CEP290: variants seen among roughly 807,000 people sequenced by gnomAD.
CEP290 encodes the protein centrosomal protein 290, also known as centrosomal protein of 290 kDa.
Under a neutral mutation model 344.9 loss-of-function variants are expected in CEP290, and 317 were observed. That is an observed-to-expected ratio of 0.92 (90% CI 0.84 to 1.01). CEP290 has a LOEUF of 1.01. Among genes scored for constraint, CEP290 ranks in the 50% least tolerant of loss-of-function variants. CEP290 has a pLI of 0.00. For missense variants in CEP290, 2,754 were observed against 2,761.4 expected (o/e 1.00, Z 0.06); for synonymous variants, 932 against 895.8 (o/e 1.04, Z -0.72).
chr12:88,106,136 A>T (rs1343372558), intron 25 of CEP290, among the ~76,000 whole-genome samples: 2 of 152,232 alleles, frequency 1.3e-5, no homozygotes, highest in African/African-American at 4.8e-5. Flanking sequence ...AATATAAAGT[A>T]TAGAACACTA....
Position 88,106,714 on chromosome 12 carries a change from A to G in CEP290, c.2778T>C (p.Ala926=), listed in dbSNP as rs767032720. Residue 926 remains alanine (A), a synonymous_variant, in exon 25 of 54, where the codon GCT becomes GCC. Transcript: ENST00000552810. ...AACACCCAATTTTTTCACAAACTTCAGCCTCCATTGACAACAATTCATTCT... is the reference window on the plus strand; with the variant it reads ...AACACCCAATTTTTTCACAAACTTCGGCCTCCATTGACAACAATTCATTCT... ...KQKNELLSME[A]EVCEKIGCLQ... The G allele has an allele frequency of 3.7e-6, 6 of 1,611,190 alleles. No individual in the cohort carries two copies. In the Admixed American group the frequency reaches 8.4e-5, roughly 22 times the overall value.
At chr12:88,093,228 T>C (rs1391694799) in intron 28 of CEP290, among the ~76,000 whole-genome samples, 1 of 152,116 alleles carries the variant, frequency 6.6e-6, no homozygotes, top group Non-Finnish European at 1.5e-5. Context: ...ACAAAAATGA[T>C]ATAAATGCTT....
Position 88,136,655 on chromosome 12 carries a change from T to A in CEP290, c.429A>T (p.Lys143Asn). 6.2e-7 allele frequency: 1 copy of A among 1,613,720 alleles called. No individual in the cohort carries two copies. The highest frequency in any genetic ancestry group is 1.3e-5 in the African/African-American group (1 of 75,042). The change falls in exon 6 of 54, where the codon AAA becomes AAT. Residue 143 changes from lysine (K) to asparagine (N), a missense_variant. Coordinates refer to ENST00000552810, the MANE Select transcript of CEP290 (RefSeq NM_025114.4). ...DMEKELEKEK[K>N]VNEQLALRNE... ...AAAAGTGCTTTACTTGCTCATTAAC[T>A]TTCTTCTCTTTCTCCAACTCCTTTT...
At chr12:88,097,565 G>A (rs1483921039) in intron 26 of CEP290, among the ~76,000 whole-genome samples, 1 of 147,056 alleles carries the variant, frequency 6.8e-6, no homozygotes, top group African/African-American at 2.5e-5. Context: ...GCATGAGAAC[G>A]GACTAATACA....
chr12:88,071,722 T>C, intron 42 of CEP290, 59 bp downstream of exon 42: 1 of 1,314,264 alleles, frequency 7.6e-7, no homozygotes, highest in Non-Finnish European at 1.0e-6. Flanking sequence ...AGCTATATAA[T>C]TTCCAGGTCA....
Position 88,103,341 on chromosome 12 carries a change from A to C in CEP290, c.2818-330T>G, listed in dbSNP as rs17419524. On this transcript the variant is annotated intron_variant, in intron 25 of 53. Transcript: ENST00000552810. The stretch of plus-strand genomic sequence containing the variant: ...TTTGGATGGCTTTTCTAAATTTCTT[A>C]TGATCGGAAAACAACTTGCCTTTTA... 5.4e-3 allele frequency: 865 copies of C among 160,528 alleles called. 7 individuals are homozygous for C. The highest frequency in any genetic ancestry group is 0.013 in the South Asian group (66 of 5,020). 9.9% of individuals were successfully genotyped at this position (160,528 alleles called of 1,614,324 possible).
intron 25 of CEP290, 146 bp from the exon 26 acceptor site, chr12:88,103,157 A>G: frequency 2.3e-6 from 1 of 436,654 alleles, no homozygotes. Context: ...TAAGAAAAAC[A>G]TGCATTAACA....
Position 88,126,455 on chromosome 12 carries a change from T to C in CEP290, c.943-17A>G. 2.1e-6 allele frequency: 3 copies of C among 1,451,608 alleles called. No individual in the cohort carries two copies. The highest frequency in any genetic ancestry group is 1.8e-6 in the Non-Finnish European group (2 of 1,088,860). 89.9% of individuals were successfully genotyped at this position (1,451,608 alleles called of 1,614,324 possible). On this transcript the variant is annotated splice_polypyrimidine_tract_variant and intron_variant, in intron 11 of 53. Coordinates refer to ENST00000552810, the MANE Select transcript of CEP290 (RefSeq NM_025114.4). ...CAAAATTAGCTAGAAATAAACACAA[T>C]AGAATCTGTTATGCAAAAGGAAAGT... is the stretch of plus-strand genomic sequence containing the variant.
chr12:88,061,428 A>G (rs1469308543), intron 46 of CEP290, among the ~76,000 whole-genome samples: 1 of 152,230 alleles, frequency 6.6e-6, no homozygotes, highest in African/African-American at 2.4e-5. Context: ...TCTCTAAGAA[A>G]TGCTATTGCT....
At chr12:88,097,636 CACAT>C (rs2037536388) in intron 26 of CEP290, among the ~76,000 whole-genome samples, 1 of 150,254 alleles carries the variant, frequency 6.7e-6, no homozygotes, top group African/African-American at 2.5e-5. Context: ...CACACACACA[CACAT>C]ATATACAATG....
At position 88,077,792 on chromosome 12, in the gene CEP290, T is replaced by G; in HGVS notation, c.5491A>C (p.Lys1831Gln). Residue 1831 changes from lysine (K) to glutamine (Q), a missense_variant, in exon 40 of 54, where the codon AAA becomes CAA. Physicochemically the swap from Lys to Gln is moderately conservative, Grantham distance 53. Transcript: ENST00000552810. ...TCTCTAAGTATTTTATTATAGGCTT[T>G]TTGTTTCTTTTGCAGTTCATTATTT... is the stretch of plus-strand genomic sequence containing the variant. ...DLNNELQKKQ[K>Q]AYNKILREKE... The G allele has an allele frequency of 6.4e-7, 1 of 1,565,462 alleles. No homozygotes were observed. The highest frequency in any genetic ancestry group is 2.3e-5 in the East Asian group (1 of 44,096).
At chr12:88,060,808 T>C in intron 47 of CEP290, 22 bp downstream of exon 47, 6 of 1,431,382 alleles carry the variant, frequency 4.2e-6, no homozygotes, top group Non-Finnish European at 5.5e-6. Context: ...CCCCTAAAAA[T>C]GATCACATTA....
chr12:88,077,741 C>G lies in CEP290; in HGVS notation c.5542G>C (p.Asp1848His), dbSNP rs533248960. ...CTTTTAATTTGCCTTTTCAGTTCAT[C>G]ATTCTCTTGATCAATTTCCTCTTTC... ...REKEEIDQEN[D>H]ELKRQIKRLT... The change falls in exon 40 of 54, where the codon GAT (aspartate) becomes CAT (histidine). Residue 1848 changes from aspartate to histidine, a missense_variant. Asp to His is a moderately conservative substitution (Grantham distance 81, BLOSUM62 -1). Transcript: ENST00000552810. 2.5e-6 allele frequency: 4 copies of G among 1,577,656 alleles called. No individual in the cohort carries two copies. The African/African-American group carries it at 5.5e-5, about 22-fold the overall frequency.
intron 44 of CEP290, among the ~76,000 whole-genome samples, chr12:88,065,459 G>A (rs2034846201): frequency 6.6e-6 from 1 of 152,252 alleles, no homozygotes; most frequent in East Asian, 1.9e-4. Context: ...GAAAGCCCAA[G>A]TATACATTCA....
At chr12:88,110,601 CAGGAGGCTGAGGCATGAG>C (rs1265813434) in intron 22 of CEP290, among the ~76,000 whole-genome samples, 1 of 151,982 alleles carries the variant, frequency 6.6e-6, no homozygotes. Flanking sequence ...CCCAGCTACT[CAGGAGGCTGAGGCATGAG>C]AATCACTTAA....
chr12:88,054,482 A>G, intron 50 of CEP290, 69 bp from the exon 51 acceptor site: 2 of 1,190,414 alleles, frequency 1.7e-6, no homozygotes, highest in Admixed American at 4.2e-5. Context: ...AAAGATACAC[A>G]TTTTTAACAA....
intron 32 of CEP290, 45 bp downstream of exon 32, chr12:88,087,735 A>AT: frequency 1.3e-6 from 1 of 791,740 alleles, no homozygotes; most frequent in East Asian, 3.8e-5. Flanking sequence ...AAAAAAAAAA[A>AT]AAAAAAAACT....
chr12:88,088,949 T>C, intron 31 of CEP290, 83 bp downstream of exon 31: 1 of 974,642 alleles, frequency 1.0e-6, no homozygotes, highest in South Asian at 2.3e-5. Context: ...GAGTTCCAGC[T>C]ATGTTTGCAC....
Position 88,079,767 on chromosome 12 carries a change from G to C in CEP290, c.5226+415C>G, listed in dbSNP as rs183611350. On this transcript the variant is annotated intron_variant, in intron 38 of 53. Transcript: ENST00000552810. Reference sequence around the variant, plus strand: ...CTCCTTCTCACAAAAACATCTCTATGACCCCCTTTTTTCATCCCTTTTTGT... The same window carrying C: ...CTCCTTCTCACAAAAACATCTCTATCACCCCCTTTTTTCATCCCTTTTTGT... Among the ~76,000 whole-genome samples the C allele has an allele frequency of 1.2e-3, 176 of 151,982 alleles. 1 individual carries two copies. The highest frequency in any genetic ancestry group is 4.1e-4 in the Non-Finnish European group (28 of 67,936).
Sources: gnomAD v4.1 joint callset for allele counts (sites outside exome capture counted in the v4.1 genomes callset) on GRCh38, gnomAD v4.1.1 for gene constraint, MANE v1.5 for transcripts, NCBI Gene and HGNC (gene_info 2026-07-23, HGNC 2026-07-21) for gene names.